RASA2: variants seen among roughly 807,000 people sequenced by gnomAD.
RASA2 encodes the protein RAS p21 protein activator 2.
RASA2 carries 155 observed loss-of-function variants against 118.2 expected under a neutral mutation model. The observed-to-expected ratio is 1.31, with a 90% confidence interval of 1.15 to 1.50. The LOEUF (loss-of-function observed/expected upper bound fraction) is 1.50. RASA2 is among the 40% of genes most tolerant of loss of function. The probability of loss-of-function intolerance (pLI) is 0.00; values close to 1 mark genes in which losing one functional copy is unlikely to be tolerated. For synonymous variants in RASA2, 353 were observed against 349.1 expected, an observed-to-expected ratio of 1.01 and a Z score of -0.12; for missense variants, 1,016 against 1,009.6, an observed-to-expected ratio of 1.01 and a Z score of -0.09.
At position 141,572,663 on chromosome 3, in the gene RASA2, G is replaced by A; in HGVS notation, c.1224G>A (p.Glu408=). 6.2e-7 allele frequency: 1 copy of A among 1,613,652 alleles called. No individual in the cohort carries two copies. Among genetic ancestry groups the A allele is most frequent in the Non-Finnish European group, 8.5e-7 (1 of 1,179,770 alleles). Residue 408 remains glutamate (E), a synonymous_variant, in exon 12 of 24, where the codon GAG becomes GAA. Transcript: ENST00000286364. ...GNSLATRCLD[E]MMKIVGGHYL... ...CCCTGGCTACCCGATGTCTGGATGA[G>A]ATGATGAAAATAGTGGGAGGGCACT...
intron 4 of RASA2, among the ~76,000 whole-genome samples, chr3:141,537,937 G>C (rs1411520239): frequency 6.6e-6 from 1 of 152,008 alleles, no homozygotes; most frequent in Non-Finnish European, 1.5e-5. Context: ...ATAATTTGAG[G>C]GCCTGAATGG....
In RASA2 at chr3:141,581,166, G is replaced by A. The variant is rs772406704; in HGVS notation, c.1741G>A (p.Ala581Thr). Residue 581 changes from alanine (A) to threonine (T), a missense_variant, in exon 17 of 24, where the codon GCA becomes ACA. By Grantham distance (58) the Ala-to-Thr change is moderately conservative. Around this residue, in one of 2 missense-constraint regions of RASA2, gnomAD observed 896 missense variants for 836.4 expected, o/e 1.07. Transcript: ENST00000286364. ...GTTTCAAGAAGAAGGATATATTATA[G>A]CAGTTAAAAAGGTATGATGGTTTTA... ...KMFQEEGYII[A>T]VKKFLDEISS... 4.6e-6 allele frequency: 7 copies of A among 1,518,952 alleles called. No individual in the cohort carries two copies. In the South Asian group the frequency reaches 9.4e-5, roughly 20 times the overall value. 94.1% of individuals were successfully genotyped at this position (1,518,952 alleles called of 1,614,324 possible).
At chr3:141,589,086 C>T (rs1307038264) in intron 19 of RASA2, among the ~76,000 whole-genome samples, 3 of 152,074 alleles carry the variant, frequency 2.0e-5, no homozygotes, top group Non-Finnish European at 2.9e-5. Flanking sequence ...GTGACCTGCC[C>T]CCTCAGCCTC....
At chr3:141,579,606 G>A (rs2083069906) in intron 15 of RASA2, 1 of 152,100 alleles carries the variant, frequency 6.6e-6, no homozygotes, top group Non-Finnish European at 1.5e-5. Flanking sequence ...TATGTTTAGA[G>A]GTGAGCTGAG....
intron 1 of RASA2, among the ~76,000 whole-genome samples, chr3:141,490,274 T>TGTAGCGA (rs1211804938): frequency 6.8e-6 from 1 of 148,078 alleles, no homozygotes; most frequent in Non-Finnish European, 1.5e-5. Flanking sequence ...TGCACTCCTG[T>TGTAGCGA]GTAGCGAGTA....
At chr3:141,558,301 T>G (rs910022584) in intron 7 of RASA2, among the ~76,000 whole-genome samples, 1 of 152,138 alleles carries the variant, frequency 6.6e-6, no homozygotes, top group Non-Finnish European at 1.5e-5. Flanking sequence ...CATAAAATTT[T>G]GAAGAATAAT....
chr3:141,501,514 C>A (rs924551664), intron 1 of RASA2, among the ~76,000 whole-genome samples: 1 of 152,228 alleles, frequency 6.6e-6, no homozygotes, highest in Admixed American at 6.5e-5. Flanking sequence ...ATAGTTACCT[C>A]TTTTTACATA....
chr3:141,569,055 T>C (rs1161720523), intron 9 of RASA2, among the ~76,000 whole-genome samples: 1 of 152,096 alleles, frequency 6.6e-6, no homozygotes, highest in Non-Finnish European at 1.5e-5. Flanking sequence ...ACATATATAA[T>C]ACAGTTTTTC....
Position 141,542,009 on chromosome 3 carries a change from G to T in RASA2, c.527+1400G>T, listed in dbSNP as rs570904114. 2.3e-4 allele frequency among the ~76,000 whole-genome samples: 35 copies of T among 151,902 alleles called. No individual in the cohort carries two copies. The South Asian group carries it at 3.8e-3, about 16-fold the overall frequency. ...TAGTCATTTGAAATATAGTTAGTTT[G>T]GTTGGTTTGGTTTGTTTGCATTCAA... On this transcript the variant is annotated intron_variant, in intron 5 of 23. Coordinates refer to ENST00000286364, the MANE Select transcript of RASA2 (RefSeq NM_006506.5).
At chr3:141,599,931 A>G (rs2083438187) in intron 19 of RASA2, among the ~76,000 whole-genome samples, 1 of 152,252 alleles carries the variant, frequency 6.6e-6, no homozygotes, top group Non-Finnish European at 1.5e-5. Context: ...ATATCTTCAC[A>G]GTAATACAAA....
chr3:141,608,567 G>C lies in RASA2; in HGVS notation c.2095G>C (p.Val699Leu). ...NCVEANEWID[V>L]LCRVSRCNQN... is the part of the protein sequence containing the mutation. Reference sequence around the variant, plus strand: ...TGTAGAAGCTAATGAATGGATAGACGTACTCTGCAGGGTGAGCCGATGCAA... The same window carrying C: ...TGTAGAAGCTAATGAATGGATAGACCTACTCTGCAGGGTGAGCCGATGCAA... Residue 699 changes from valine to leucine, a missense_variant, in exon 21 of 24, where the codon GTA (valine) becomes CTA (leucine). Physicochemically the swap from Val to Leu is conservative, Grantham distance 32. Transcript: ENST00000286364. 6.2e-7 allele frequency: 1 copy of C among 1,613,888 alleles called. No individual in the cohort carries two copies. The highest frequency in any genetic ancestry group is 8.5e-7 in the Non-Finnish European group (1 of 1,179,872).
intron 5 of RASA2, among the ~76,000 whole-genome samples, chr3:141,546,920 A>G (rs1300443207): frequency 6.6e-6 from 1 of 152,048 alleles, no homozygotes; most frequent in Non-Finnish European, 1.5e-5. Context: ...GCATATGGAT[A>G]TCTATTTTTC....
At chr3:141,521,002 C>G (rs114407638) in intron 3 of RASA2, among the ~76,000 whole-genome samples, 4,226 of 152,184 alleles carry the variant, frequency 0.028, 208 homozygotes, top group African/African-American at 0.098. Context: ...GTATGGCTGT[C>G]ATTAAATTAG....
chr3:141,579,321 A>G (rs970141029), intron 15 of RASA2: 2 of 152,232 alleles, frequency 1.3e-5, no homozygotes, highest in African/African-American at 4.8e-5. Flanking sequence ...TTTAATACCT[A>G]TTCATTTTGT....
At chr3:141,541,086 A>T (rs569023073) in intron 5 of RASA2, among the ~76,000 whole-genome samples, 3 of 152,098 alleles carry the variant, frequency 2.0e-5, no homozygotes, top group African/African-American at 7.2e-5. Context: ...CTGTTCTGGA[A>T]ATCTGTTGTA....
intron 19 of RASA2, among the ~76,000 whole-genome samples, chr3:141,607,292 A>G (rs2083563049): frequency 6.6e-6 from 1 of 152,152 alleles, no homozygotes; most frequent in Admixed American, 6.5e-5. Context: ...CACTGCTTAC[A>G]TAGTAACTCC....
intron 9 of RASA2, among the ~76,000 whole-genome samples, chr3:141,561,811 T>G (rs944495263): frequency 3.9e-5 from 6 of 152,206 alleles, no homozygotes; most frequent in Admixed American, 1.3e-4. Flanking sequence ...ATTCAAATAA[T>G]AGATAAAATG....
At chr3:141,586,466 G>GT (rs2083203541) in intron 18 of RASA2, among the ~76,000 whole-genome samples, 180 bp from the exon 19 acceptor site, 3 of 151,998 alleles carry the variant, frequency 2.0e-5, no homozygotes, top group Non-Finnish European at 2.9e-5. Flanking sequence ...ATTAATTAAA[G>GT]ACCTTATTCC....
intron 5 of RASA2, among the ~76,000 whole-genome samples, chr3:141,549,479 G>T (rs1334814930): frequency 7.3e-6 from 1 of 136,086 alleles, no homozygotes; most frequent in African/African-American, 2.8e-5. Context: ...ATGAGTGTGT[G>T]TGTGCGTGTG....
Sources: allele counts gnomAD v4.1 joint callset (sites outside exome capture counted in the v4.1 genomes callset), GRCh38; gene constraint gnomAD v4.1.1; regional missense constraint gnomAD v4.1.1; transcripts MANE v1.5; gene names NCBI Gene and HGNC (gene_info 2026-07-23, HGNC 2026-07-21).